Variants in DIP2C observed in about 807,000 individuals in gnomAD.
The protein encoded by DIP2C is disco-interacting protein 2 homolog C.
Under a neutral mutation model 192.4 loss-of-function variants are expected in DIP2C, and 33 were observed. The observed-to-expected ratio is 0.17, with a 90% confidence interval of 0.13 to 0.23. The LOEUF is 0.23. DIP2C is among the 10% of genes least tolerant of loss of function. DIP2C has a pLI of 1.00. For synonymous variants in DIP2C, 979 were observed against 864.1 expected, an observed-to-expected ratio of 1.13 and a Z score of -2.33; for missense variants, 1,537 against 2,110.1, an observed-to-expected ratio of 0.73 and a Z score of 5.32.
chr10:490,175 T>C (rs577460739), intron 1 of DIP2C, among the ~76,000 whole-genome samples: 1 of 149,944 alleles, frequency 6.7e-6, no homozygotes, highest in South Asian at 2.2e-4. Flanking sequence ...CTTCCTCCAT[T>C]TCACACCAGG....
intron 2 of DIP2C, among the ~76,000 whole-genome samples, chr10:475,799 G>GA (rs1971011566): frequency 6.6e-6 from 1 of 152,160 alleles, no homozygotes; most frequent in Non-Finnish European, 1.5e-5. Flanking sequence ...GTTCCTGGAA[G>GA]AAAAAAGCCA....
At chr10:281,592 T>C (rs1954823123) in intron 35 of DIP2C, among the ~76,000 whole-genome samples, 1 of 152,196 alleles carries the variant, frequency 6.6e-6, no homozygotes, top group Non-Finnish European at 1.5e-5. Flanking sequence ...TGGCTCAGCT[T>C]CGATATCCAG....
In DIP2C at chr10:606,339, C is replaced by G. The variant is rs965377651; in HGVS notation, c.85+83155G>C. On this transcript the variant is annotated intron_variant, in intron 1 of 36. Transcript: ENST00000280886. The stretch of plus-strand genomic sequence containing the variant: ...AGGGCACGGCCACTCGCCCCGCTGC[C>G]GTAATTACCTGCTGTGATCTGAATT... Among the ~76,000 whole-genome samples, 45 of 150,926 alleles carry G rather than the reference C, an allele frequency of 3.0e-4. No homozygotes were observed. In the South Asian group the frequency reaches 4.8e-3, roughly 16 times the overall value.
intron 1 of DIP2C, among the ~76,000 whole-genome samples, chr10:647,529 A>G (rs967356727): frequency 6.6e-6 from 1 of 150,966 alleles, no homozygotes; most frequent in Non-Finnish European, 1.5e-5. Context: ...CCACGTCCAC[A>G]TTGGATGGTG....
rs1846262678 is a variant in DIP2C at position 515,072 on chromosome 10, T to TTAA, written c.86-28543_86-28542insTTA. 2.0e-5 allele frequency among the ~76,000 whole-genome samples: 3 copies of TTAA among 152,298 alleles called. No individual in the cohort carries two copies. The East Asian group carries it at 5.8e-4, about 29-fold the overall frequency. ...ACAAATTGTTCCATAATTTTAACAC[T>TTAA]TAGTGTTATCACTATTAAGAATTAT... On this transcript the variant is annotated intron_variant, in intron 1 of 36. Coordinates refer to ENST00000280886, the MANE Select transcript of DIP2C (RefSeq NM_014974.3).
At position 617,349 on chromosome 10, in the gene DIP2C, G is replaced by A. The variant is rs571760838; in HGVS notation, c.85+72145C>T. Among the ~76,000 whole-genome samples the A allele has an allele frequency of 1.1e-4, 17 of 152,242 alleles. No homozygotes were observed. The South Asian group carries it at 3.1e-3, about 28-fold the overall frequency. Reference sequence around the variant, plus strand: ...GTTCCACCCCACTCAGCTGTGATGTGAGCCCCTGAGATTTCTCAAATGTGA... The same window carrying A: ...GTTCCACCCCACTCAGCTGTGATGTAAGCCCCTGAGATTTCTCAAATGTGA... On this transcript the variant is annotated intron_variant, in intron 1 of 36. Coordinates refer to ENST00000280886, the MANE Select transcript of DIP2C (RefSeq NM_014974.3).
chr10:670,164 A>C (rs895313830), intron 1 of DIP2C, among the ~76,000 whole-genome samples: 1 of 152,156 alleles, frequency 6.6e-6, no homozygotes, highest in East Asian at 1.9e-4. Context: ...GCACGTGCGC[A>C]CATGCATGAA....
Position 312,350 on chromosome 10 carries a change from C to T in DIP2C, c.3925-2258G>A, listed in dbSNP as rs547701922. Among the ~76,000 whole-genome samples, 5 of 152,316 alleles carry T rather than the reference C, an allele frequency of 3.3e-5. No homozygotes were observed. The East Asian group carries it at 9.6e-4, about 29-fold the overall frequency. ...AGGTATTTTTCCCTATGTCACTTAG[C>T]TGTCTTTCCCAAATATTCCCAAAAA... On this transcript the variant is annotated intron_variant, in intron 31 of 36. Transcript: ENST00000280886.
chr10:313,401 G>A (rs1178857481), intron 31 of DIP2C, among the ~76,000 whole-genome samples: 2 of 152,210 alleles, frequency 1.3e-5, no homozygotes, highest in African/African-American at 4.8e-5. Context: ...TAATAAAAAT[G>A]TTAAGCAGTC....
At chr10:523,840 C>T (rs1464528184) in intron 1 of DIP2C, among the ~76,000 whole-genome samples, 4 of 152,236 alleles carry the variant, frequency 2.6e-5, no homozygotes, top group Non-Finnish European at 5.9e-5. Context: ...GCACACTTGT[C>T]GCTTTTACAC....
chr10:640,965 G>A (rs1044029369), intron 1 of DIP2C, among the ~76,000 whole-genome samples: 4 of 152,116 alleles, frequency 2.6e-5, no homozygotes, highest in Non-Finnish European at 4.4e-5. Flanking sequence ...ACACGCTGTG[G>A]ACACGTGTGA....
intron 29 of DIP2C, among the ~76,000 whole-genome samples, chr10:337,920 G>A (rs921456321): frequency 6.0e-5 from 9 of 149,424 alleles, no homozygotes; most frequent in African/African-American, 2.0e-4. Context: ...GGCCTAGGCT[G>A]ATGTGTATGT....
At chr10:578,081 A>G (rs909119990) in intron 1 of DIP2C, among the ~76,000 whole-genome samples, 3 of 152,220 alleles carry the variant, frequency 2.0e-5, no homozygotes, top group Non-Finnish European at 4.4e-5. Flanking sequence ...CCACATTTGG[A>G]AATGTTTTGC....
chr10:337,634 G>A (rs1321197948), intron 29 of DIP2C, among the ~76,000 whole-genome samples: 75 of 145,094 alleles, frequency 5.2e-4, no homozygotes, highest in African/African-American at 1.7e-3. Context: ...GTGTGCGCAC[G>A]TGTGTTGTGG....
intron 17 of DIP2C, among the ~76,000 whole-genome samples, chr10:375,146 A>AGATCT (rs1961415717): frequency 6.6e-6 from 1 of 152,258 alleles, no homozygotes; most frequent in African/African-American, 2.4e-5. Context: ...TGTTGCCTGC[A>AGATCT]GATCTCACGT....
Position 384,047 on chromosome 10 carries a change from A to G in DIP2C, c.1856T>C (p.Val619Ala), listed in dbSNP as rs762712916. 6.2e-7 allele frequency: 1 copy of G among 1,607,120 alleles called. No homozygotes were observed. Among genetic ancestry groups the G allele is most frequent in the Non-Finnish European group, 8.5e-7 (1 of 1,178,072 alleles). ...CTTACAGGGGTTCGCGCCGTCCGCC[A>G]CTATCAGCATTCGCAGAGAGGAGAG... ...INLSSLRMLI[V>A]ADGANPWSIS... Residue 619 changes from valine to alanine, a missense_variant, in exon 16 of 37, where the codon GTG (valine) becomes GCG (alanine). Coordinates refer to ENST00000280886, the MANE Select transcript of DIP2C (RefSeq NM_014974.3).
chr10:526,009 T>G (rs1847029355), intron 1 of DIP2C, among the ~76,000 whole-genome samples: 1 of 152,198 alleles, frequency 6.6e-6, no homozygotes, highest in East Asian at 1.9e-4. Context: ...CACCTCCTTC[T>G]GCAACGCCTG....
intron 32 of DIP2C, among the ~76,000 whole-genome samples, chr10:304,051 A>G (rs577194092): frequency 2.8e-4 from 43 of 152,274 alleles, no homozygotes; most frequent in African/African-American, 1.0e-3. Flanking sequence ...GCTGTCTTAC[A>G]GTTAACTTTT....
chr10:371,141 GC>G (rs1960901984), intron 17 of DIP2C, among the ~76,000 whole-genome samples: 1 of 151,078 alleles, frequency 6.6e-6, no homozygotes, highest in Non-Finnish European at 1.5e-5. Context: ...CAGTGGTCCT[GC>G]CACCATCCCC....
Sources: allele counts gnomAD v4.1 joint callset (sites outside exome capture counted in the v4.1 genomes callset), GRCh38; gene constraint gnomAD v4.1.1; transcripts MANE v1.5; gene names NCBI Gene and HGNC (gene_info 2026-07-23, HGNC 2026-07-21).